SHISA9: variants seen among roughly 807,000 people sequenced by gnomAD.
The protein encoded by SHISA9 is protein shisa-9.
A neutral mutation model predicts 38.0 loss-of-function variants in SHISA9; 13 were observed. The observed-to-expected ratio is 0.34, with a 90% CI of 0.22 to 0.54. SHISA9 has a LOEUF of 0.54. Ranked by LOEUF, SHISA9 falls within the 20% of genes least tolerant of loss-of-function variation. The pLI is 0.91. For synonymous variants in SHISA9, 275 were observed against 242.0 expected (o/e 1.14, Z -1.27); for missense variants, 538 against 575.8 (o/e 0.93, Z 0.67).
At chr16:13,429,174 C>A in the SHISA9 span, among the ~76,000 whole-genome samples, 1 of 152,096 alleles carries the variant, frequency 6.6e-6, no homozygotes, top group Non-Finnish European at 1.5e-5. Flanking sequence ...TGAGAAATAA[C>A]AAAGATCTCA....
the SHISA9 span, among the ~76,000 whole-genome samples, chr16:13,457,044 C>T: frequency 4.6e-5 from 7 of 152,340 alleles, no homozygotes; most frequent in South Asian, 8.3e-4. Context: ...CAGTGGCTCA[C>T]GCCCATAATC....
the SHISA9 span, among the ~76,000 whole-genome samples, chr16:13,472,377 A>AGTTTT: frequency 1.3e-4 from 7 of 55,418 alleles, no homozygotes; most frequent in African/African-American, 1.5e-4. Context: ...GCTCTGCTAA[A>AGTTTT]TTTTTTTTTT....
At chr16:12,944,293 C>G (rs1271924198) in intron 2 of SHISA9, among the ~76,000 whole-genome samples, 1 of 152,216 alleles carries the variant, frequency 6.6e-6, no homozygotes, top group Non-Finnish European at 1.5e-5. Flanking sequence ...GCTTTGAACT[C>G]TTATTTCTAG....
chr16:12,992,500 C>G (rs1215221945), intron 2 of SHISA9, among the ~76,000 whole-genome samples: 1 of 152,032 alleles, frequency 6.6e-6, no homozygotes, highest in Non-Finnish European at 1.5e-5. Context: ...CCACTGGACT[C>G]CAGCCTGGGC....
At chr16:13,256,451 T>C in the SHISA9 span, among the ~76,000 whole-genome samples, 31 of 152,222 alleles carry the variant, frequency 2.0e-4, no homozygotes, top group South Asian at 2.3e-3. Context: ...CCCACTAATT[T>C]TGTATTTTTA....
chr16:12,959,321 AAG>A (rs2071877736), intron 2 of SHISA9, among the ~76,000 whole-genome samples: 1 of 152,222 alleles, frequency 6.6e-6, no homozygotes, highest in Non-Finnish European at 1.5e-5. Context: ...TTCAGTAGGA[AAG>A]ATCCATTAGC....
chr16:13,361,524 A>G, the SHISA9 span, among the ~76,000 whole-genome samples: 4 of 152,236 alleles, frequency 2.6e-5, no homozygotes, highest in Admixed American at 1.3e-4. Context: ...GATGCCTTTT[A>G]TAAAATGGTA....
the SHISA9 span, among the ~76,000 whole-genome samples, chr16:13,462,914 A>T: frequency 6.6e-6 from 1 of 152,168 alleles, no homozygotes; most frequent in Admixed American, 6.5e-5. Context: ...GGGAGCCGAG[A>T]TCGCACCATT....
chr16:12,969,309 A>T (rs921535933), intron 2 of SHISA9, among the ~76,000 whole-genome samples: 6 of 151,964 alleles, frequency 3.9e-5, no homozygotes, highest in African/African-American at 1.4e-4. Flanking sequence ...GGTTAATGTA[A>T]AAAAAAGCAC....
intron 2 of SHISA9, among the ~76,000 whole-genome samples, chr16:12,987,387 A>G (rs556094553): frequency 4.9e-4 from 75 of 152,356 alleles, no homozygotes; most frequent in African/African-American, 1.7e-3. Flanking sequence ...AATGTGATAC[A>G]TATACACCAT....
At chr16:13,451,769 C>G in the SHISA9 span, among the ~76,000 whole-genome samples, 2 of 152,196 alleles carry the variant, frequency 1.3e-5, no homozygotes, top group African/African-American at 4.8e-5. Context: ...TGTGACAGAT[C>G]CTTGAGGACT....
chr16:13,508,026 A>G, the SHISA9 span, among the ~76,000 whole-genome samples: 17 of 152,222 alleles, frequency 1.1e-4, no homozygotes, highest in Non-Finnish European at 2.9e-5. Context: ...CATGGTAACC[A>G]CCAATAAATT....
At chr16:13,197,104 T>TATACACACACACACACACACAC in intron 2 of SHISA9, among the ~76,000 whole-genome samples, 1 of 106,584 alleles carries the variant, frequency 9.4e-6, no homozygotes, top group African/African-American at 4.3e-5. Flanking sequence ...TCTCTGTACA[T>TATACACACACACACACACACAC]ACACACACAC....
At chr16:12,955,659 G>A (rs1000738216) in intron 2 of SHISA9, among the ~76,000 whole-genome samples, 8 of 150,188 alleles carry the variant, frequency 5.3e-5, no homozygotes, top group African/African-American at 1.9e-4. Flanking sequence ...AATGGGGAAA[G>A]GACAGCCTTT....
the SHISA9 span, among the ~76,000 whole-genome samples, chr16:13,327,182 A>G: frequency 6.6e-6 from 1 of 152,278 alleles, no homozygotes; most frequent in Non-Finnish European, 1.5e-5. Flanking sequence ...GAGTCCTACC[A>G]GCCTTTCTCC....
At chr16:13,069,092 ATGTG>A (rs199838928) in intron 2 of SHISA9, among the ~76,000 whole-genome samples, 67 of 150,190 alleles carry the variant, frequency 4.5e-4, no homozygotes, top group South Asian at 3.0e-3. Flanking sequence ...TGCAATGTGT[ATGTG>A]TGTGTATACA....
In SHISA9 at chr16:13,235,737, T is replaced by A; in HGVS notation, c.*328T>A. 3.4e-6 allele frequency: 1 copy of A among 298,224 alleles called. No homozygotes were observed. The highest frequency in any genetic ancestry group is 6.2e-6 in the Non-Finnish European group (1 of 161,712). The allele number at this position is 298,224 out of a possible 1,614,324, so 18.5% of individuals were successfully genotyped here. On this transcript the variant is annotated 3_prime_UTR_variant, in exon 5 of 5. Transcript: ENST00000558583. ...GGCTGAGTTTTCTTTTCCTCCTAAC[T>A]TGAAACTGAAATCCATGGTGACAAA...
At chr16:13,453,449 CT>C in the SHISA9 span, among the ~76,000 whole-genome samples, 1 of 152,166 alleles carries the variant, frequency 6.6e-6, no homozygotes, top group Non-Finnish European at 1.5e-5. Flanking sequence ...TGAGTTTTTT[CT>C]TGCCTTCTCA....
chr16:13,469,519 G>A, the SHISA9 span, among the ~76,000 whole-genome samples: 1 of 152,162 alleles, frequency 6.6e-6, no homozygotes, highest in Non-Finnish European at 1.5e-5. Context: ...GCCTCGACCT[G>A]TGCAGATTTC....
Sources: gnomAD v4.1 joint callset for allele counts (sites outside exome capture counted in the v4.1 genomes callset) on GRCh38, gnomAD v4.1.1 for gene constraint, MANE v1.5 for transcripts, NCBI Gene and HGNC (gene_info 2026-07-23, HGNC 2026-07-21) for gene names.